The following GRID1 variants were observed in gnomAD, a reference collection of about 807,000 sequenced individuals.
GRID1 encodes the protein glutamate ionotropic receptor delta type subunit 1, also known as glutamate receptor ionotropic, delta-1.
GRID1 carries 28 observed loss-of-function variants against 98.0 expected under a neutral mutation model. That is an observed-to-expected ratio of 0.29 (90% CI 0.21 to 0.39). The LOEUF (loss-of-function observed/expected upper bound fraction) is 0.39, where lower values mean the gene tolerates loss of function less well. Ranked by LOEUF, GRID1 falls within the 10% of genes least tolerant of loss-of-function variation. The pLI is 1.00. For missense variants in GRID1, 1,111 were observed against 1,340.5 expected (o/e 0.83, Z 2.67); for synonymous variants, 553 against 538.5 (o/e 1.03, Z -0.37).
At chr10:85,981,860 C>T (rs891539802) in intron 4 of GRID1, among the ~76,000 whole-genome samples, 1 of 152,122 alleles carries the variant, frequency 6.6e-6, no homozygotes, top group East Asian at 1.9e-4. Flanking sequence ...ATGACAAATA[C>T]GATGAAGTCA....
chr10:85,744,257 T>C (rs962492667), intron 8 of GRID1, among the ~76,000 whole-genome samples: 9 of 152,146 alleles, frequency 5.9e-5, no homozygotes, highest in African/African-American at 2.2e-4. Context: ...ATTCTAAAAA[T>C]CCCTAGGAGC....
At chr10:85,654,485 C>A in intron 12 of GRID1, among the ~76,000 whole-genome samples, 1 of 152,120 alleles carries the variant, frequency 6.6e-6, no homozygotes, top group East Asian at 1.9e-4. Flanking sequence ...TTTTAAATAT[C>A]CTGCTGCTGC....
intron 2 of GRID1, among the ~76,000 whole-genome samples, chr10:86,221,422 TGCTGGGAACACAGAACTGA>T (rs1403523872): frequency 2.0e-5 from 3 of 152,174 alleles, no homozygotes; most frequent in Admixed American, 6.5e-5. Flanking sequence ...AAGCACGCCG[TGCTGGGAACACAGAACTGA>T]GGCAGATCCC....
At chr10:85,964,844 G>A (rs1589316299) in intron 4 of GRID1, among the ~76,000 whole-genome samples, 1 of 152,174 alleles carries the variant, frequency 6.6e-6, no homozygotes, top group African/African-American at 2.4e-5. Flanking sequence ...TATCATCAGA[G>A]TGAACATGTA....
chr10:85,876,474 C>A (rs1005339685), intron 5 of GRID1, among the ~76,000 whole-genome samples: 8 of 152,146 alleles, frequency 5.3e-5, no homozygotes, highest in Non-Finnish European at 7.3e-5. Context: ...AAGATAATCG[C>A]CCCATCTCAA....
At chr10:85,964,650 T>C (rs1842314136) in intron 4 of GRID1, among the ~76,000 whole-genome samples, 1 of 152,140 alleles carries the variant, frequency 6.6e-6, no homozygotes, top group South Asian at 2.1e-4. Flanking sequence ...TCCAGATGGA[T>C]TAAAGACTTA....
chr10:86,061,147 C>A (rs1490274974), intron 4 of GRID1, among the ~76,000 whole-genome samples: 1 of 152,182 alleles, frequency 6.6e-6, no homozygotes, highest in East Asian at 1.9e-4. Flanking sequence ...CTCACATCTG[C>A]AGCACTGGCA....
chr10:85,976,528 C>G (rs117086054), intron 4 of GRID1, among the ~76,000 whole-genome samples: 7 of 152,222 alleles, frequency 4.6e-5, no homozygotes, highest in Non-Finnish European at 4.4e-5. Context: ...AAGAACTCAC[C>G]TATGGGGCAA....
At chr10:85,857,923 G>T (rs1843128742) in intron 6 of GRID1, among the ~76,000 whole-genome samples, 1 of 152,156 alleles carries the variant, frequency 6.6e-6, no homozygotes, top group East Asian at 1.9e-4. Flanking sequence ...TGCTCCAAAA[G>T]CAGAACCTTA....
At chr10:86,045,061 G>A (rs1843403047) in intron 4 of GRID1, among the ~76,000 whole-genome samples, 1 of 152,226 alleles carries the variant, frequency 6.6e-6, no homozygotes, top group South Asian at 2.1e-4. Flanking sequence ...TGCAATTTAG[G>A]GGAAATTGTT....
chr10:86,190,496 G>T (rs1845786378), intron 3 of GRID1, among the ~76,000 whole-genome samples: 1 of 152,230 alleles, frequency 6.6e-6, no homozygotes, highest in South Asian at 2.1e-4. Flanking sequence ...TGGCTCTGTA[G>T]CCAGGTCCTC....
At chr10:86,047,647 A>G (rs1843442860) in intron 4 of GRID1, among the ~76,000 whole-genome samples, 1 of 152,114 alleles carries the variant, frequency 6.6e-6, no homozygotes, top group African/African-American at 2.4e-5. Flanking sequence ...ATTGGAACCC[A>G]GCAATGATGC....
intron 2 of GRID1, among the ~76,000 whole-genome samples, chr10:86,307,841 T>C (rs1847779271): frequency 6.6e-6 from 1 of 152,158 alleles, no homozygotes; most frequent in Non-Finnish European, 1.5e-5. Flanking sequence ...TGGAGGAAAA[T>C]CAAGTAAAAA....
At chr10:86,158,391 T>C (rs949256352) in intron 3 of GRID1, among the ~76,000 whole-genome samples, 3 of 152,198 alleles carry the variant, frequency 2.0e-5, no homozygotes, top group African/African-American at 7.2e-5. Flanking sequence ...GCAGCTACGA[T>C]GACCATCATC....
chr10:85,886,470 T>C (rs1175089853), intron 5 of GRID1, among the ~76,000 whole-genome samples: 1 of 152,206 alleles, frequency 6.6e-6, no homozygotes, highest in African/African-American at 2.4e-5. Flanking sequence ...CTCATGGGAC[T>C]TGAAATGGGG....
intron 4 of GRID1, among the ~76,000 whole-genome samples, chr10:85,937,183 G>T (rs139662746): frequency 6.6e-6 from 1 of 152,174 alleles, no homozygotes; most frequent in Admixed American, 6.5e-5. Context: ...GGCTTAATTA[G>T]TCTGGGGTGT....
At chr10:85,635,076 T>G (rs1484159155) in intron 13 of GRID1, among the ~76,000 whole-genome samples, 2 of 118,814 alleles carry the variant, frequency 1.7e-5, no homozygotes, top group Non-Finnish European at 3.4e-5. Context: ...CTTCCTCTAA[T>G]AAGAAGTTTG....
intron 8 of GRID1, among the ~76,000 whole-genome samples, chr10:85,796,433 T>C (rs1024533648): frequency 6.6e-6 from 1 of 152,162 alleles, no homozygotes; most frequent in African/African-American, 2.4e-5. Flanking sequence ...TTTCAGACCT[T>C]CCATTTTATA....
rs1848685856 is a variant in GRID1 at position 86,366,604 on chromosome 10, T to G, written c.-212A>C. The G allele has an allele frequency of 5.6e-6, 1 of 179,092 alleles. No homozygotes were observed. The highest frequency in any genetic ancestry group is 1.1e-5 in the Non-Finnish European group (1 of 87,128). 11.1% of individuals were successfully genotyped at this position (179,092 alleles called of 1,614,324 possible). ...AGCGCGGTCGGGCTCCCGCTCCGGCTCCGGTGGCGGCTGCGGCGGTGCTGG... is the reference window on the plus strand; with the variant it reads ...AGCGCGGTCGGGCTCCCGCTCCGGCGCCGGTGGCGGCTGCGGCGGTGCTGG... On this transcript the variant is annotated 5_prime_UTR_variant, in exon 1 of 16. Transcript: ENST00000327946. This position sits in a 1 kb window ranked among gnomAD's most constrained non-coding sequence, Gnocchi z 4.1.
Sources: gnomAD v4.1 joint callset for allele counts (sites outside exome capture counted in the v4.1 genomes callset) on GRCh38, gnomAD v4.1.1 for gene constraint, Gnocchi (gnomAD v3.1) non-coding constraint, MANE v1.5 for transcripts, NCBI Gene and HGNC (gene_info 2026-07-23, HGNC 2026-07-21) for gene names.